The following MMS22L variants were observed in gnomAD, a reference collection of about 807,000 sequenced individuals.
MMS22L encodes protein MMS22-like.
A neutral mutation model predicts 159.1 loss-of-function variants in MMS22L; 74 were observed. The observed-to-expected ratio is 0.47, with a 90% CI of 0.39 to 0.56. The LOEUF (loss-of-function observed/expected upper bound fraction) is 0.56, where lower values mean the gene tolerates loss of function less well. Among genes scored for constraint, MMS22L ranks in the 20% least tolerant of loss-of-function variants. The pLI, the probability that MMS22L is intolerant of heterozygous loss-of-function variation, is 0.00. For missense variants in MMS22L, 1,351 were observed against 1,422.1 expected (o/e 0.95, Z 0.80); for synonymous variants, 517 against 506.9 (o/e 1.02, Z -0.27).
intron 14 of MMS22L, among the ~76,000 whole-genome samples, chr6:97,188,120 TAAATAA>T (rs1023567450): frequency 6.6e-6 from 1 of 152,200 alleles, no homozygotes; most frequent in African/African-American, 2.4e-5. Flanking sequence ...TAGAGTGAGA[TAAATAA>T]CAAACCACTA....
At chr6:97,170,263 G>A (rs1237826591) in intron 19 of MMS22L, among the ~76,000 whole-genome samples, 1 of 152,090 alleles carries the variant, frequency 6.6e-6, no homozygotes, top group Non-Finnish European at 1.5e-5. Flanking sequence ...ACACTTTGTT[G>A]AAGACTGTAA....
rs1255694078 is a variant in MMS22L at position 97,246,638 on chromosome 6, A to T, written c.1172T>A (p.Ile391Asn). The T allele has an allele frequency of 6.2e-7, 1 of 1,611,426 alleles. No individual in the cohort carries two copies. The highest frequency in any genetic ancestry group is 1.7e-5 in the Admixed American group (1 of 59,696). ...ACTTTAATTGCATACCTGAACACTG[A>T]TGGACTTTTTCAGCAGTTCTTCTAC... ...NFVEELLKKS[I>N]SVQGVILEEQ... Residue 391 changes from isoleucine (I) to asparagine (N), a missense_variant, in exon 11 of 25, where the codon ATC becomes AAC. Ile to Asn is a moderately radical substitution (Grantham distance 149). Coordinates refer to ENST00000683635, the MANE Select transcript of MMS22L (RefSeq NM_001350599.2).
intron 4 of MMS22L, among the ~76,000 whole-genome samples, chr6:97,277,268 C>T (rs1188710020): frequency 6.6e-6 from 1 of 152,006 alleles, no homozygotes; most frequent in Non-Finnish European, 1.5e-5. Flanking sequence ...CAAAAATTAT[C>T]CAGGTGTGGT....
chr6:97,280,622 C>T (rs1562535711), intron 3 of MMS22L, among the ~76,000 whole-genome samples: 1 of 152,046 alleles, frequency 6.6e-6, no homozygotes, highest in Non-Finnish European at 1.5e-5. Context: ...CCGTCCTCAT[C>T]GTTTTTAAAA....
chr6:97,212,710 G>C (rs1808520502), intron 14 of MMS22L, among the ~76,000 whole-genome samples: 1 of 152,140 alleles, frequency 6.6e-6, no homozygotes, highest in Non-Finnish European at 1.5e-5. Context: ...ATTCACATTT[G>C]TAACATTTTG....
chr6:97,282,795 A>G (rs1816885798), intron 1 of MMS22L, among the ~76,000 whole-genome samples: 1 of 152,206 alleles, frequency 6.6e-6, no homozygotes. Flanking sequence ...CAAGGTGAAA[A>G]GCAAAGAAAT....
At chr6:97,221,278 T>G (rs1265010306) in intron 14 of MMS22L, among the ~76,000 whole-genome samples, 1 of 152,124 alleles carries the variant, frequency 6.6e-6, no homozygotes, top group Non-Finnish European at 1.5e-5. Context: ...TTTATACTTA[T>G]TTAAGGAAAA....
chr6:97,233,856 C>T lies in MMS22L; in HGVS notation c.1302+5G>A, dbSNP rs750996834. The T allele has an allele frequency of 1.3e-6, 2 of 1,593,130 alleles. No individual in the cohort carries two copies. Among genetic ancestry groups the T allele is most frequent in the South Asian group, 1.2e-5 (1 of 86,190 alleles). On this transcript the variant is annotated splice_donor_5th_base_variant and intron_variant, in intron 12 of 24. Transcript: ENST00000683635. ...CTGGAGCAAATTCCTATTCTATTCA[C>T]TCACCAGGTTCTTACTATAATATTC...
At chr6:97,160,736 T>C (rs768133875) in intron 22 of MMS22L, among the ~76,000 whole-genome samples, 31 of 152,016 alleles carry the variant, frequency 2.0e-4, no homozygotes, top group Non-Finnish European at 4.0e-4. Context: ...GTTGTATATA[T>C]GGTGCACTTA....
chr6:97,269,763 G>T (rs1163025545), intron 7 of MMS22L, 139 bp downstream of exon 7: 1 of 588,298 alleles, frequency 1.7e-6, no homozygotes, highest in African/African-American at 1.9e-5. Flanking sequence ...GGAAAGAAAG[G>T]AGTAAAACTT....
At chr6:97,197,847 A>G (rs1323708462) in intron 14 of MMS22L, among the ~76,000 whole-genome samples, 1 of 152,184 alleles carries the variant, frequency 6.6e-6, no homozygotes, top group Non-Finnish European at 1.5e-5. Context: ...ACTGGAGCCA[A>G]TAATTACTAT....
At chr6:97,280,420 C>T (rs1275024904) in intron 3 of MMS22L, among the ~76,000 whole-genome samples, 2 of 152,028 alleles carry the variant, frequency 1.3e-5, no homozygotes, top group Non-Finnish European at 1.5e-5. Context: ...GCAACCTCCG[C>T]CTCCTGGGTT....
At chr6:97,164,627 A>AT (rs984411484) in intron 21 of MMS22L, among the ~76,000 whole-genome samples, 4 of 151,700 alleles carry the variant, frequency 2.6e-5, no homozygotes, top group Non-Finnish European at 5.9e-5. Context: ...ACTGTATTTT[A>AT]TTTTTTTGAG....
At chr6:97,189,415 G>C (rs2128284316) in intron 14 of MMS22L, among the ~76,000 whole-genome samples, 1 of 151,368 alleles carries the variant, frequency 6.6e-6, no homozygotes, top group Admixed American at 6.6e-5. Flanking sequence ...CAAAAAATTA[G>C]CCGGGCGTGG....
chr6:97,258,758 TCTC>T (rs1229358373), intron 9 of MMS22L: 1 of 152,104 alleles, frequency 6.6e-6, no homozygotes, highest in African/African-American at 2.4e-5. Context: ...AAAAAACAAA[TCTC>T]CTAAGTATTT....
intron 14 of MMS22L, among the ~76,000 whole-genome samples, chr6:97,189,733 C>T (rs1805675885): frequency 6.6e-6 from 1 of 151,922 alleles, no homozygotes; most frequent in South Asian, 2.1e-4. Flanking sequence ...AATGTGCACC[C>T]ACTTTGTGTT....
intron 9 of MMS22L, among the ~76,000 whole-genome samples, chr6:97,255,662 A>T (rs1342870302): frequency 6.6e-6 from 1 of 152,048 alleles, no homozygotes; most frequent in East Asian, 1.9e-4. Context: ...CCAAAACTTT[A>T]GTTTACAGAA....
rs1800921139 is a variant in MMS22L at position 97,146,204 on chromosome 6, A to G, written c.*602T>C. The G allele has an allele frequency of 6.6e-6, 1 of 151,818 alleles. No homozygotes were observed. Among genetic ancestry groups the G allele is most frequent in the African/African-American group, 2.4e-5 (1 of 41,328 alleles). The allele number at this position is 151,818 out of a possible 1,614,324, so 9.4% of individuals were successfully genotyped here. ...TTGGCATGTTTACACTTCTTTTTGG[A>G]TATCAGCTGTATAATCCTTTAGCCA... On this transcript the variant is annotated 3_prime_UTR_variant, in exon 25 of 25. Coordinates refer to ENST00000683635, the MANE Select transcript of MMS22L (RefSeq NM_001350599.2).
intron 4 of MMS22L, among the ~76,000 whole-genome samples, chr6:97,277,977 C>T (rs932211049): frequency 1.3e-5 from 2 of 152,098 alleles, no homozygotes; most frequent in Non-Finnish European, 2.9e-5. Flanking sequence ...TATTACTTGA[C>T]GTAAGACCCA....
Sources: allele counts gnomAD v4.1 joint callset (sites outside exome capture counted in the v4.1 genomes callset), GRCh38; gene constraint gnomAD v4.1.1; transcripts MANE v1.5; gene names NCBI Gene and HGNC (gene_info 2026-07-23, HGNC 2026-07-21).